Variants in IL34 observed in about 807,000 individuals in gnomAD.
The protein encoded by IL34 is interleukin-34.
A neutral mutation model predicts 25.3 loss-of-function variants in IL34; 17 were observed. That is an observed-to-expected ratio of 0.67 (90% CI 0.46 to 1.01). The LOEUF is 1.01. Ranked by LOEUF, IL34 falls within the 50% of genes least tolerant of loss-of-function variation. The pLI is 0.00. For synonymous variants in IL34, 174 were observed against 140.9 expected (o/e 1.23, Z -1.66); for missense variants, 368 against 312.9 (o/e 1.18, Z -1.33).
At chr16:70,655,471 T>G (rs1026628767) in intron 2 of IL34, among the ~76,000 whole-genome samples, 1 of 151,658 alleles carries the variant, frequency 6.6e-6, no homozygotes, top group African/African-American at 2.4e-5. Context: ...CACTGCAACC[T>G]CCACCTCCAA....
intron 1 of IL34, among the ~76,000 whole-genome samples, chr16:70,647,439 A>G (rs1263519776): frequency 6.6e-6 from 1 of 152,186 alleles, no homozygotes; most frequent in Non-Finnish European, 1.5e-5. Context: ...CTCCCTCCAT[A>G]ACAGAACAGA....
intron 1 of IL34, among the ~76,000 whole-genome samples, chr16:70,603,497 C>T (rs970045169): frequency 2.0e-5 from 3 of 152,106 alleles, no homozygotes; most frequent in Admixed American, 6.5e-5. Flanking sequence ...AGGCTGGTCT[C>T]GAACTCCTGA....
At position 70,628,127 on chromosome 16, in the gene IL34, T is replaced by C. The variant is rs140353573; in HGVS notation, c.-400-18421T>C. Among the ~76,000 whole-genome samples, 19 of 152,328 alleles carry C rather than the reference T, an allele frequency of 1.2e-4. No individual in the cohort carries two copies. The East Asian group carries it at 3.7e-3, about 29-fold the overall frequency. On this transcript the variant is annotated intron_variant, in intron 1 of 6. Coordinates refer to the IL34 transcript ENST00000429149. Reference sequence around the variant, plus strand: ...GATTTTTTTGGTCTTTTTAATTTTATTCACTCTAGGGTGTGTGTGTAGTGG... The same window carrying C: ...GATTTTTTTGGTCTTTTTAATTTTACTCACTCTAGGGTGTGTGTGTAGTGG...
intron 1 of IL34, among the ~76,000 whole-genome samples, chr16:70,633,344 C>A (rs1181605363): frequency 6.6e-6 from 1 of 151,868 alleles, no homozygotes; most frequent in African/African-American, 2.4e-5. Context: ...GCTTTGACCT[C>A]CCAGGCTAAA....
intron 1 of IL34, among the ~76,000 whole-genome samples, chr16:70,605,073 A>G (rs886546947): frequency 6.6e-6 from 1 of 152,074 alleles, no homozygotes; most frequent in Non-Finnish European, 1.5e-5. Flanking sequence ...GCAGGTGCAA[A>G]GGGGCTGAGG....
At chr16:70,642,066 C>T (rs2051797203), upstream of IL34, among the ~76,000 whole-genome samples, 2 of 152,108 alleles carry the variant, frequency 1.3e-5, no homozygotes, top group Non-Finnish European at 2.9e-5. Flanking sequence ...ATACCATAGA[C>T]CGGGTGGCTT....
At chr16:70,606,878 G>A (rs181785948) in intron 1 of IL34, among the ~76,000 whole-genome samples, 16 of 152,178 alleles carry the variant, frequency 1.1e-4, no homozygotes, top group African/African-American at 1.4e-4. Flanking sequence ...GTAAGCCATC[G>A]TGCCCAGACA....
chr16:70,648,363 C>T (rs970889172), intron 1 of IL34, among the ~76,000 whole-genome samples: 10 of 151,948 alleles, frequency 6.6e-5, no homozygotes, highest in African/African-American at 2.4e-4. Flanking sequence ...TGAAACCAGG[C>T]TGGGCAGCAT....
At chr16:70,587,728 T>A (rs905871361) in intron 1 of IL34, among the ~76,000 whole-genome samples, 1 of 150,106 alleles carries the variant, frequency 6.7e-6, no homozygotes, top group African/African-American at 2.5e-5. Flanking sequence ...GGATGGCTGC[T>A]ATCAAAAAAA....
chr16:70,600,633 A>G (rs865938700), intron 1 of IL34, among the ~76,000 whole-genome samples: 1 of 152,210 alleles, frequency 6.6e-6, no homozygotes, highest in Non-Finnish European at 1.5e-5. Flanking sequence ...CAGTTTCCCC[A>G]CATCTTTCTC....
At chr16:70,595,290 C>T (rs1031838668) in intron 1 of IL34, among the ~76,000 whole-genome samples, 1 of 151,584 alleles carries the variant, frequency 6.6e-6, no homozygotes, top group African/African-American at 2.4e-5. Context: ...TCTGTTTCCT[C>T]TCTAGTTTTC....
chr16:70,646,401 C>G (rs1258227107), upstream of IL34: 1 of 153,672 alleles, frequency 6.5e-6, no homozygotes, highest in African/African-American at 2.4e-5. Flanking sequence ...TTCGGACATC[C>G]TGAAGTCATT....
At chr16:70,592,094 C>CTGCT (rs2050762272) in intron 1 of IL34, among the ~76,000 whole-genome samples, 1 of 151,898 alleles carries the variant, frequency 6.6e-6, no homozygotes. Context: ...CCCCCACCAC[C>CTGCT]TGCTCCAGGT....
intron 1 of IL34, among the ~76,000 whole-genome samples, chr16:70,623,514 C>T (rs574159042): frequency 9.7e-4 from 147 of 152,068 alleles, no homozygotes; most frequent in South Asian, 3.7e-3. Context: ...TTAATCCTTT[C>T]AAAGCATGCT....
At chr16:70,654,943 C>A (rs1201919336) in intron 2 of IL34, among the ~76,000 whole-genome samples, 1 of 152,218 alleles carries the variant, frequency 6.6e-6, no homozygotes, top group Non-Finnish European at 1.5e-5. Context: ...CAGGAATGGA[C>A]ACCTGGAGCT....
intron 1 of IL34, among the ~76,000 whole-genome samples, chr16:70,618,925 G>A (rs1003183648): frequency 5.9e-5 from 9 of 152,138 alleles, no homozygotes; most frequent in African/African-American, 2.2e-4. Flanking sequence ...GGGATTAACG[G>A]TGCAAAGGAA....
At chr16:70,647,163 C>T (rs766176480) in intron 1 of IL34, among the ~76,000 whole-genome samples, 188 bp downstream of exon 1, 82 of 152,254 alleles carry the variant, frequency 5.4e-4, no homozygotes, top group Non-Finnish European at 1.0e-3. Flanking sequence ...CTTCGGGCTC[C>T]GACGGGCAAG....
At chr16:70,612,962 G>A (rs947719312) in intron 1 of IL34, among the ~76,000 whole-genome samples, 3 of 152,102 alleles carry the variant, frequency 2.0e-5, no homozygotes, top group Non-Finnish European at 4.4e-5. Context: ...TAGTAGAGGC[G>A]GGGCTTCACT....
At chr16:70,644,030 A>G (rs1250358215), upstream of IL34, among the ~76,000 whole-genome samples, 1 of 152,216 alleles carries the variant, frequency 6.6e-6, no homozygotes, top group Non-Finnish European at 1.5e-5. Context: ...ACTGGAGGGC[A>G]GTGGAGCAAT....
Sources: gnomAD v4.1 joint callset for allele counts (sites outside exome capture counted in the v4.1 genomes callset) on GRCh38, gnomAD v4.1.1 for gene constraint, MANE v1.5 for transcripts, NCBI Gene and HGNC (gene_info 2026-07-23, HGNC 2026-07-21) for gene names.